SCMH1: variants seen among roughly 807,000 people sequenced by gnomAD.
SCMH1 encodes the protein polycomb protein SCMH1.
A neutral mutation model predicts 70.8 loss-of-function variants in SCMH1; 37 were observed. The observed-to-expected ratio is 0.52, with a 90% CI of 0.40 to 0.69. SCMH1 has a LOEUF of 0.69. Ranked by LOEUF, SCMH1 falls within the 30% of genes least tolerant of loss-of-function variation. The pLI is 0.00. For missense variants in SCMH1, 607 were observed against 827.3 expected (o/e 0.73, Z 3.27); for synonymous variants, 292 against 307.4 (o/e 0.95, Z 0.52).
At chr1:41,061,847 T>C (rs1652772019) in intron 10 of SCMH1, among the ~76,000 whole-genome samples, 5 of 152,182 alleles carry the variant, frequency 3.3e-5, no homozygotes, top group Admixed American at 3.3e-4. Flanking sequence ...CATCTGAATA[T>C]ATTTTTTTAA....
At chr1:41,079,883 G>C (rs1659479011) in intron 8 of SCMH1, among the ~76,000 whole-genome samples, 2 of 151,758 alleles carry the variant, frequency 1.3e-5, no homozygotes, top group Non-Finnish European at 2.9e-5. Context: ...ACTTTATTTT[G>C]GATATTTTCT....
exon 15 of SCMH1, chr1:41,027,573 C>A (rs957676277): frequency 2.0e-5 from 3 of 152,274 alleles, no homozygotes; most frequent in African/African-American, 7.2e-5. Flanking sequence ...CTCTCCACCT[C>A]AAAGAGAAAG....
intron 7 of SCMH1, among the ~76,000 whole-genome samples, chr1:41,116,263 T>A (rs996756114): frequency 2.0e-5 from 3 of 152,202 alleles, no homozygotes; most frequent in African/African-American, 7.2e-5. Flanking sequence ...GTGTTGAGAC[T>A]TAACTAGCAG....
At chr1:41,032,711 G>A (rs1387996555) in intron 13 of SCMH1, among the ~76,000 whole-genome samples, 2 of 152,180 alleles carry the variant, frequency 1.3e-5, no homozygotes, top group Non-Finnish European at 2.9e-5. Flanking sequence ...CAGGCATGGT[G>A]GATCATGCCT....
At chr1:41,069,293 T>G (rs1233247996) in intron 10 of SCMH1, among the ~76,000 whole-genome samples, 3 of 152,136 alleles carry the variant, frequency 2.0e-5, no homozygotes, top group African/African-American at 7.2e-5. Flanking sequence ...AGAGTTAAAT[T>G]CTCATCTTCT....
At chr1:41,028,311 A>G (rs144403858) in exon 15 of SCMH1, 289 of 1,608,728 alleles carry the variant, frequency 1.8e-4, no homozygotes, top group Non-Finnish European at 2.3e-4. Flanking sequence ...GGGCCTTGCC[A>G]TCGATCTCCT....
intron 12 of SCMH1, among the ~76,000 whole-genome samples, chr1:41,039,809 A>G (rs1024346909): frequency 9.9e-5 from 15 of 152,224 alleles, no homozygotes; most frequent in African/African-American, 3.4e-4. Context: ...TGTTCTACAG[A>G]GCCCTGTGGA....
intron 4 of SCMH1, among the ~76,000 whole-genome samples, chr1:41,155,237 G>A (rs1243648731): frequency 6.6e-6 from 1 of 152,100 alleles, no homozygotes; most frequent in Admixed American, 6.5e-5. Flanking sequence ...TGGCATTAAA[G>A]TACCTTGGCC....
intron 8 of SCMH1, among the ~76,000 whole-genome samples, chr1:41,086,218 T>C (rs1005295847): frequency 6.6e-6 from 1 of 152,142 alleles, no homozygotes; most frequent in African/African-American, 2.4e-5. Flanking sequence ...TGCATCCCTA[T>C]AAAATCAGTG....
intron 10 of SCMH1, among the ~76,000 whole-genome samples, chr1:41,055,223 A>G (rs1308655464): frequency 6.6e-6 from 1 of 152,230 alleles, no homozygotes; most frequent in Non-Finnish European, 1.5e-5. Context: ...CTAAAAAGGC[A>G]ATCTCAGTTT....
intron 12 of SCMH1, 136 bp from the exon 13 acceptor site, chr1:41,037,677 CA>C: frequency 1.4e-6 from 1 of 709,534 alleles, no homozygotes; most frequent in Non-Finnish European, 2.4e-6. Context: ...GTGTACCAGT[CA>C]TGGTTGTGGC....
intron 6 of SCMH1, among the ~76,000 whole-genome samples, chr1:41,130,880 G>A (rs889060570): frequency 5.3e-5 from 8 of 152,170 alleles, no homozygotes; most frequent in Non-Finnish European, 1.2e-4. Context: ...TGTGTGAGCT[G>A]TCTTTTCACT....
chr1:41,193,371 G>A (rs143967036), intron 1 of SCMH1, among the ~76,000 whole-genome samples: 147 of 152,278 alleles, frequency 9.7e-4, no homozygotes, highest in African/African-American at 3.2e-3. Flanking sequence ...ACAAATAAGT[G>A]TAAGTCCCTG....
intron 6 of SCMH1, among the ~76,000 whole-genome samples, chr1:41,131,015 G>A (rs550190876): frequency 2.0e-5 from 3 of 152,010 alleles, no homozygotes; most frequent in South Asian, 2.1e-4. Context: ...TGTTTTCTTC[G>A]AAGAGTTTTC....
At chr1:41,181,023 G>C (rs1166673859) in intron 2 of SCMH1, among the ~76,000 whole-genome samples, 1 of 152,144 alleles carries the variant, frequency 6.6e-6, no homozygotes, top group African/African-American at 2.4e-5. Flanking sequence ...GAACAGAATA[G>C]AGCCCTCAGA....
chr1:41,168,632 CTT>C (rs543282078), intron 2 of SCMH1, among the ~76,000 whole-genome samples: 10,227 of 104,664 alleles, frequency 0.098, 421 homozygotes, highest in South Asian at 0.17. Context: ...GGAGATTTGT[CTT>C]TTTTTTTTTT....
intron 5 of SCMH1, among the ~76,000 whole-genome samples, chr1:41,148,566 G>A (rs1043637783): frequency 2.6e-5 from 4 of 151,996 alleles, no homozygotes; most frequent in Admixed American, 1.3e-4. Flanking sequence ...GTACTTTCAA[G>A]GTGTTGTTCA....
chr1:41,130,344 T>C (rs1193422172), intron 6 of SCMH1, among the ~76,000 whole-genome samples: 6 of 152,162 alleles, frequency 3.9e-5, no homozygotes, highest in Non-Finnish European at 7.4e-5. Context: ...CTTTTCACTA[T>C]GTCAATAGTG....
At chr1:41,032,421 C>T (rs1644655649) in intron 13 of SCMH1, among the ~76,000 whole-genome samples, 1 of 151,904 alleles carries the variant, frequency 6.6e-6, no homozygotes, top group Non-Finnish European at 1.5e-5. Context: ...AGCAGGAAGG[C>T]CAATGTATCA....
Sources: allele counts gnomAD v4.1 joint callset (sites outside exome capture counted in the v4.1 genomes callset), GRCh38; gene constraint gnomAD v4.1.1; transcripts MANE v1.5; gene names NCBI Gene and HGNC (gene_info 2026-07-23, HGNC 2026-07-21).